NTNG1: variants seen among roughly 807,000 people sequenced by gnomAD.
NTNG1 encodes the protein netrin G1.
In NTNG1, 16 loss-of-function variants were observed where a neutral mutation model predicts 54.0. That is an observed-to-expected ratio of 0.30 (90% CI 0.20 to 0.45). The LOEUF (loss-of-function observed/expected upper bound fraction) is 0.45, where lower values mean the gene tolerates loss of function less well. NTNG1 is among the 20% of genes least tolerant of loss of function. The probability of loss-of-function intolerance (pLI) is 1.00; values close to 1 mark genes in which losing one functional copy is unlikely to be tolerated. For missense variants in NTNG1, 530 were observed against 678.7 expected (o/e 0.78, Z 2.43); for synonymous variants, 255 against 263.1 (o/e 0.97, Z 0.30).
At chr1:107,275,294 G>A (rs558412188) in intron 2 of NTNG1, among the ~76,000 whole-genome samples, 4 of 152,170 alleles carry the variant, frequency 2.6e-5, no homozygotes, top group South Asian at 2.1e-4. Context: ...GGAGAATGGC[G>A]TGAATCCGGG....
In NTNG1 at chr1:107,395,160, G is replaced by A. The variant is rs1252529182; in HGVS notation, c.894G>A (p.Lys298=). ...TTGTCTCTCCTCTGCCCAGGTGCAA[G>A]TGTAATCTCCATGCCACTGTATGTG... ...ISDIKVRGRC[K]CNLHATVCVY... Residue 298 remains lysine (K), a synonymous_variant, in exon 4 of 8, where the codon AAG becomes AAA. Coordinates refer to ENST00000370068, the MANE Select transcript of NTNG1 (RefSeq NM_001113226.3). The A allele has an allele frequency of 6.2e-7, 1 of 1,612,712 alleles. No individual in the cohort carries two copies. The highest frequency in any genetic ancestry group is 2.2e-5 in the East Asian group (1 of 44,862).
chr1:107,371,424 G>T (rs1346191245), intron 3 of NTNG1, among the ~76,000 whole-genome samples: 3 of 151,922 alleles, frequency 2.0e-5, no homozygotes, highest in Admixed American at 6.6e-5. Flanking sequence ...GCCTATACAT[G>T]ATAGATTCTA....
intron 2 of NTNG1, among the ~76,000 whole-genome samples, chr1:107,288,607 G>C (rs903784146): frequency 1.3e-5 from 2 of 152,106 alleles, no homozygotes; most frequent in African/African-American, 4.8e-5. Flanking sequence ...GTAAGGAAAG[G>C]TGGTATAGTA....
chr1:107,327,878 A>G (rs1668057765), intron 3 of NTNG1, among the ~76,000 whole-genome samples: 2 of 152,064 alleles, frequency 1.3e-5, no homozygotes, highest in South Asian at 4.1e-4. Flanking sequence ...GTGAGATCCA[A>G]TTCTCCGTTT....
At position 107,324,443 on chromosome 1, in the gene NTNG1, G is replaced by A. The variant is rs144330931; in HGVS notation, c.408G>A (p.Leu136=). ...AGCCTCTCCAGGTTAACATCACTCT[G>A]TCTTGGAGCAAAACCATTGAGCTAA... ...YPKPLQVNIT[L]SWSKTIELTD... is the part of the protein sequence containing the mutation. Residue 136 remains leucine, a synonymous_variant, in exon 3 of 8, where the codon CTG becomes CTA. Transcript: ENST00000370068. The A allele has an allele frequency of 4.9e-4, 791 of 1,613,858 alleles. No homozygotes were observed. The African/African-American group carries it at 9.4e-3, about 19-fold the overall frequency.
chr1:107,470,588 A>T (rs1024983607), intron 7 of NTNG1, among the ~76,000 whole-genome samples: 1 of 152,202 alleles, frequency 6.6e-6, no homozygotes, highest in Admixed American at 6.5e-5. Flanking sequence ...AATGCCATGT[A>T]CTTTGAAACG....
intron 3 of NTNG1, among the ~76,000 whole-genome samples, chr1:107,368,089 C>A (rs959604755): frequency 6.6e-6 from 1 of 152,054 alleles, no homozygotes; most frequent in Non-Finnish European, 1.5e-5. Flanking sequence ...GCTGAAACAT[C>A]GATCCAACAC....
intron 5 of NTNG1, among the ~76,000 whole-genome samples, chr1:107,422,647 A>C (rs1674650174): frequency 6.6e-6 from 1 of 152,128 alleles, no homozygotes; most frequent in Admixed American, 6.6e-5. Flanking sequence ...AGAGCCTCTT[A>C]ATTCCCAGAA....
At position 107,483,887 on chromosome 1, in the gene NTNG1, T is replaced by TG. The variant is rs1343711358; in HGVS notation, c.*3047_*3048insG. ...AGATAATGGACATGCCCTGCTGTGA[T>TG]TTGAGGGTTATTTATTTCTGACCCT... On this transcript the variant is annotated 3_prime_UTR_variant, in exon 8 of 8. Coordinates refer to ENST00000370068, the MANE Select transcript of NTNG1 (RefSeq NM_001113226.3). Among the ~76,000 whole-genome samples, 2 of 152,300 alleles carry TG rather than the reference T, an allele frequency of 1.3e-5. No homozygotes were observed. Among genetic ancestry groups the TG allele is most frequent in the Non-Finnish European group, 2.9e-5 (2 of 68,026 alleles).
At chr1:107,295,810 CTG>C (rs375425059) in intron 2 of NTNG1, among the ~76,000 whole-genome samples, 21 of 152,102 alleles carry the variant, frequency 1.4e-4, no homozygotes, top group African/African-American at 4.8e-4. Flanking sequence ...AGAATCAAAA[CTG>C]TGTTTCAAGT....
At chr1:107,379,433 T>C (rs1176948922) in intron 3 of NTNG1, among the ~76,000 whole-genome samples, 1 of 152,194 alleles carries the variant, frequency 6.6e-6, no homozygotes, top group Non-Finnish European at 1.5e-5. Context: ...CCTGAAAGTT[T>C]AAAATTGTGT....
At chr1:107,396,201 G>A (rs1375594064) in intron 4 of NTNG1, among the ~76,000 whole-genome samples, 2 of 152,120 alleles carry the variant, frequency 1.3e-5, no homozygotes, top group Non-Finnish European at 1.5e-5. Context: ...AGAAGCAGCC[G>A]GACAGTGAGC....
At position 107,370,636 on chromosome 1, in the gene NTNG1, A is replaced by T. The variant is rs1054184302; in HGVS notation, c.888-24518A>T. On this transcript the variant is annotated intron_variant, in intron 3 of 7. Transcript: ENST00000370068. ...TGGTTTTCCATTCCTGAGTCACTTCACTTAGAATAATAGTCTCCAATCCCA... is the reference window on the plus strand; with the variant it reads ...TGGTTTTCCATTCCTGAGTCACTTCTCTTAGAATAATAGTCTCCAATCCCA... 2.0e-5 allele frequency among the ~76,000 whole-genome samples: 3 copies of T among 151,882 alleles called. No homozygotes were observed. The South Asian group carries it at 6.2e-4, about 32-fold the overall frequency.
chr1:107,407,708 A>C lies in NTNG1; in HGVS notation c.1087A>C (p.Asn363His). ...TCIPSISSIGNCECFGHSNRC... is the reference protein window; with the variant it reads ...TCIPSISSIGHCECFGHSNRC... The stretch of plus-strand genomic sequence containing the variant: ...TATCCCCAGTATTTCCAGTATTGGT[A>C]GTAAGTAAAAACAAAAACAAAAAAA... The change falls in exon 5 of 8, where the codon AAT (asparagine) becomes CAT (histidine). Residue 363 changes from asparagine (N) to histidine (H), a missense_variant and splice_region_variant. Physicochemically the swap from Asn to His is moderately conservative, Grantham distance 68. Around this residue, in one of 2 missense-constraint regions of NTNG1, gnomAD observed 318 missense variants for 465.1 expected, o/e 0.68. Coordinates refer to ENST00000370068, the MANE Select transcript of NTNG1 (RefSeq NM_001113226.3). 1 of 1,609,106 alleles carries C rather than the reference A, an allele frequency of 6.2e-7. No homozygotes were observed.
At chr1:107,362,984 T>C (rs1670382842) in intron 3 of NTNG1, among the ~76,000 whole-genome samples, 1 of 152,184 alleles carries the variant, frequency 6.6e-6, no homozygotes, top group African/African-American at 2.4e-5. Flanking sequence ...GGCTTTTCCA[T>C]GGCTGGCTTT....
intron 7 of NTNG1, chr1:107,460,406 A>G (rs758040550): frequency 1.9e-6 from 1 of 518,906 alleles, no homozygotes; most frequent in Non-Finnish European, 3.8e-6. Flanking sequence ...TTTACCAGGC[A>G]GGACAGATTT....
chr1:107,440,280 G>T lies in NTNG1; in HGVS notation c.1390+3481G>T, dbSNP rs189421736. Among the ~76,000 whole-genome samples, 342 of 152,204 alleles carry T rather than the reference G, an allele frequency of 2.2e-3. 4 individuals are homozygous for T. Among genetic ancestry groups the T allele is most frequent in the African/African-American group, 7.8e-3 (324 of 41,538 alleles). The stretch of plus-strand genomic sequence containing the variant: ...AAAGGACTTGGGTTTGGGAACAGAA[G>T]ATTTAAAAAAGGGATTCAGTAACTG... On this transcript the variant is annotated intron_variant, in intron 7 of 7. Transcript: ENST00000370068.
chr1:107,245,897 G>A (rs1378507643), intron 2 of NTNG1, among the ~76,000 whole-genome samples: 2 of 152,118 alleles, frequency 1.3e-5, no homozygotes, highest in Non-Finnish European at 2.9e-5. Context: ...TTTAAAGCCA[G>A]AAACATACTA....
intron 7 of NTNG1, among the ~76,000 whole-genome samples, chr1:107,452,189 G>A (rs577821293): frequency 6.6e-6 from 1 of 152,076 alleles, no homozygotes; most frequent in Non-Finnish European, 1.5e-5. Context: ...AGCTATTATT[G>A]GTATTACTGT....
Sources: gnomAD v4.1 joint callset for allele counts (sites outside exome capture counted in the v4.1 genomes callset) on GRCh38, gnomAD v4.1.1 for gene constraint, gnomAD v4.1.1 regional missense constraint, MANE v1.5 for transcripts, NCBI Gene and HGNC (gene_info 2026-07-23, HGNC 2026-07-21) for gene names.